SMG6: variants seen among roughly 807,000 people sequenced by gnomAD.
The protein encoded by SMG6 is telomerase-binding protein EST1A.
Under a neutral mutation model 142.2 loss-of-function variants are expected in SMG6, and 66 were observed. The ratio of observed to expected loss-of-function variants is 0.46; its 90% CI spans 0.38 to 0.57. The LOEUF is 0.57. Among genes scored for constraint, SMG6 ranks in the 20% least tolerant of loss-of-function variants. The pLI, the probability that SMG6 is intolerant of heterozygous loss-of-function variation, is 0.00. For missense variants in SMG6, 1,793 were observed against 1,832.0 expected, an observed-to-expected ratio of 0.98 and a Z score of 0.39; for synonymous variants, 779 against 702.4, an observed-to-expected ratio of 1.11 and a Z score of -1.72.
rs551506344 is a variant in SMG6 at position 2,254,615 on chromosome 17, G to T, written c.2662-9896C>A. ...CTCCCAAAGTGCTGGGACTACAGGC[G>T]TGAGATACCGTGCTCGGCCATCAAA... On this transcript the variant is annotated intron_variant, in intron 8 of 18. Coordinates refer to ENST00000263073, the MANE Select transcript of SMG6 (RefSeq NM_017575.5). 1.1e-3 allele frequency among the ~76,000 whole-genome samples: 173 copies of T among 152,290 alleles called. 1 individual carries two copies. The highest frequency in any genetic ancestry group is 2.0e-3 in the Non-Finnish European group (134 of 68,026).
chr17:2,061,466 G>C lies in SMG6; in HGVS notation c.*26C>G, dbSNP rs766483955. The C allele has an allele frequency of 3.2e-6, 4 of 1,236,362 alleles. No individual in the cohort carries two copies. Among genetic ancestry groups the C allele is most frequent in the African/African-American group, 6.5e-5 (2 of 30,832 alleles). The allele number at this position is 1,236,362 out of a possible 1,614,324, so 76.6% of individuals were successfully genotyped here. On this transcript the variant is annotated 3_prime_UTR_variant, in exon 19 of 19. Transcript: ENST00000263073. ...GGTGGCCTTTCAGGAACGGTTCCAC[G>C]GGGGGGGGGCCCCAGTGTGGCTCCC...
At chr17:2,236,369 G>C (rs2073652094) in intron 10 of SMG6, 123 bp downstream of exon 10, 2 of 861,630 alleles carry the variant, frequency 2.3e-6, no homozygotes, top group Admixed American at 4.8e-5. Flanking sequence ...GCGTAGGGTA[G>C]GGTGTGTGTG....
intron 13 of SMG6, among the ~76,000 whole-genome samples, chr17:2,120,403 T>C (rs1367574862): frequency 6.6e-6 from 1 of 152,126 alleles, no homozygotes; most frequent in East Asian, 1.9e-4. Flanking sequence ...ATAAGGAAGA[T>C]AGGCAAAAAA....
At chr17:2,214,263 C>G (rs2072947270) in intron 10 of SMG6, 1 of 152,418 alleles carries the variant, frequency 6.6e-6, no homozygotes, top group Non-Finnish European at 1.5e-5. Flanking sequence ...GAACTGCAAT[C>G]CAAGTCAGAC....
intron 10 of SMG6, among the ~76,000 whole-genome samples, chr17:2,217,143 C>T (rs954531805): frequency 1.4e-4 from 21 of 152,132 alleles, no homozygotes; most frequent in African/African-American, 5.1e-4. Context: ...ATTTGCATAA[C>T]ACAGCAAGTA....
At chr17:2,094,973 T>C (rs1005728156) in intron 13 of SMG6, 11 of 152,250 alleles carry the variant, frequency 7.2e-5, no homozygotes, top group Admixed American at 6.5e-4. Context: ...GAGCAAGCTA[T>C]AGGCAGCAGT....
intron 8 of SMG6, among the ~76,000 whole-genome samples, chr17:2,250,923 G>A (rs544328411): frequency 2.6e-5 from 4 of 152,164 alleles, no homozygotes; most frequent in African/African-American, 7.2e-5. Flanking sequence ...TCATCCCTGC[G>A]CTCCTATGCT....
intron 10 of SMG6, among the ~76,000 whole-genome samples, chr17:2,223,803 T>G (rs760919790): frequency 6.6e-6 from 1 of 152,086 alleles, no homozygotes; most frequent in Admixed American, 6.5e-5. Flanking sequence ...GCCATAAGAC[T>G]GAGCTGTAAA....
chr17:2,135,833 G>A (rs749925129), intron 13 of SMG6, among the ~76,000 whole-genome samples: 2 of 151,706 alleles, frequency 1.3e-5, no homozygotes, highest in Admixed American at 6.6e-5. Context: ...GGGACTACAG[G>A]CGCTACCACC....
At chr17:2,253,941 C>G (rs2074105856) in intron 8 of SMG6, among the ~76,000 whole-genome samples, 2 of 152,190 alleles carry the variant, frequency 1.3e-5, no homozygotes, top group South Asian at 4.1e-4. Context: ...CCAGAGGGCT[C>G]CTGGACGTTT....
chr17:2,086,219 A>C (rs546672550), intron 13 of SMG6, among the ~76,000 whole-genome samples: 2 of 152,294 alleles, frequency 1.3e-5, no homozygotes, highest in South Asian at 4.1e-4. Flanking sequence ...AATATATGAC[A>C]TATCTTCTAA....
intron 8 of SMG6, among the ~76,000 whole-genome samples, chr17:2,257,116 C>T (rs1290550988): frequency 1.3e-5 from 2 of 149,296 alleles, no homozygotes; most frequent in Non-Finnish European, 3.0e-5. Flanking sequence ...GACAGAGTCT[C>T]GCTCTGTTGC....
chr17:2,112,459 G>T (rs1001367623), intron 13 of SMG6, among the ~76,000 whole-genome samples: 1 of 151,258 alleles, frequency 6.6e-6, no homozygotes, highest in African/African-American at 2.4e-5. Context: ...AGTGAGCCGA[G>T]ATCGTGCCAC....
intron 13 of SMG6, among the ~76,000 whole-genome samples, chr17:2,107,167 T>A (rs545433323): frequency 7.9e-5 from 12 of 152,124 alleles, no homozygotes; most frequent in Non-Finnish European, 1.8e-4. Flanking sequence ...CTATGCAGGA[T>A]TCCTAATAGG....
At chr17:2,253,103 A>T (rs1422578736) in intron 8 of SMG6, among the ~76,000 whole-genome samples, 1 of 148,952 alleles carries the variant, frequency 6.7e-6, no homozygotes, top group Non-Finnish European at 1.5e-5. Flanking sequence ...TGGCCCACAA[A>T]GCCTAAAATA....
At chr17:2,257,456 T>G (rs1296678876) in intron 8 of SMG6, among the ~76,000 whole-genome samples, 1 of 152,086 alleles carries the variant, frequency 6.6e-6, no homozygotes, top group Non-Finnish European at 1.5e-5. Context: ...CAAAGGTATT[T>G]AAAGGAAAAG....
chr17:2,221,981 T>C (rs1397601803), intron 10 of SMG6, among the ~76,000 whole-genome samples: 1 of 152,220 alleles, frequency 6.6e-6, no homozygotes, highest in Non-Finnish European at 1.5e-5. Flanking sequence ...GTGATCCACC[T>C]GCACTGGCCT....
intron 8 of SMG6, chr17:2,255,627 G>A (rs1028149567): frequency 5.6e-5 from 9 of 161,064 alleles, no homozygotes; most frequent in Admixed American, 2.0e-4. Flanking sequence ...CTGCCCGGCC[G>A]CCCCTTCTGG....
intron 13 of SMG6, among the ~76,000 whole-genome samples, chr17:2,092,205 C>A (rs1358658212): frequency 2.6e-5 from 4 of 152,120 alleles, no homozygotes; most frequent in African/African-American, 9.7e-5. Flanking sequence ...AGGCTGGTCT[C>A]GAACGCCTGA....
Sources: allele counts gnomAD v4.1 joint callset (sites outside exome capture counted in the v4.1 genomes callset), GRCh38; gene constraint gnomAD v4.1.1; transcripts MANE v1.5; gene names NCBI Gene and HGNC (gene_info 2026-07-23, HGNC 2026-07-21).